Variants in RSRC1 observed in about 807,000 individuals in gnomAD.
RSRC1 encodes arginine and serine rich coiled-coil 1.
Under a neutral mutation model 49.1 loss-of-function variants are expected in RSRC1, and 39 were observed. That is an observed-to-expected ratio of 0.79 (90% confidence interval 0.61 to 1.04). The LOEUF (loss-of-function observed/expected upper bound fraction) is 1.04, where lower values mean the gene tolerates loss of function less well. Ranked by LOEUF, RSRC1 falls within the 50% of genes least tolerant of loss-of-function variation. The pLI is 0.00. For synonymous variants in RSRC1, 143 were observed against 130.8 expected, an observed-to-expected ratio of 1.09 and a Z score of -0.63; for missense variants, 388 against 402.4, an observed-to-expected ratio of 0.96 and a Z score of 0.31.
At chr3:158,267,365 AGCTTTTTGTCT>A (rs1383058257) in intron 4 of RSRC1, among the ~76,000 whole-genome samples, 3 of 151,960 alleles carry the variant, frequency 2.0e-5, no homozygotes, top group Non-Finnish European at 4.4e-5. Context: ...CTTTTCAGTG[AGCTTTTTGTCT>A]GTGTAAATAA....
chr3:158,326,171 G>C (rs1252719004), intron 5 of RSRC1, among the ~76,000 whole-genome samples: 1 of 152,126 alleles, frequency 6.6e-6, no homozygotes, highest in Non-Finnish European at 1.5e-5. Context: ...CATGTCATCT[G>C]CAAACAGGGA....
At chr3:158,286,785 A>G (rs1017352636) in intron 4 of RSRC1, among the ~76,000 whole-genome samples, 11 of 152,200 alleles carry the variant, frequency 7.2e-5, no homozygotes, top group African/African-American at 2.7e-4. Flanking sequence ...ATAATTGAAA[A>G]CTTGGATAAT....
At chr3:158,132,274 C>A (rs2108181614) in intron 3 of RSRC1, 1 of 200,974 alleles carries the variant, frequency 5.0e-6, no homozygotes, top group South Asian at 6.7e-5. Flanking sequence ...GTATGTGCCA[C>A]CCTACCCAGA....
intron 4 of RSRC1, among the ~76,000 whole-genome samples, chr3:158,287,506 T>G (rs1201631419): frequency 6.6e-6 from 1 of 152,148 alleles, no homozygotes; most frequent in Non-Finnish European, 1.5e-5. Flanking sequence ...TAATGATTAT[T>G]CTTTTCTTAT....
intron 5 of RSRC1, among the ~76,000 whole-genome samples, chr3:158,298,399 C>G (rs946931809): frequency 6.6e-6 from 1 of 151,966 alleles, no homozygotes; most frequent in Non-Finnish European, 1.5e-5. Context: ...TGAAAACAAG[C>G]TTGTGTTTTA....
intron 4 of RSRC1, among the ~76,000 whole-genome samples, chr3:158,255,549 C>T (rs1478482906): frequency 2.0e-5 from 3 of 152,106 alleles, no homozygotes; most frequent in East Asian, 1.9e-4. Flanking sequence ...GAGATGCGGG[C>T]TCTTTTTTGG....
chr3:158,308,693 C>T lies in RSRC1; in HGVS notation c.531+10618C>T, dbSNP rs543361890. The stretch of plus-strand genomic sequence containing the variant: ...CTGAAAACTGCTCAGTTACTGTATG[C>T]GCTTAATCTTAATGGTATCTGTGGA... On this transcript the variant is annotated intron_variant, in intron 5 of 9. Transcript: ENST00000611884. 7.2e-5 allele frequency among the ~76,000 whole-genome samples: 11 copies of T among 151,954 alleles called. No homozygotes were observed. The South Asian group carries it at 1.9e-3, about 26-fold the overall frequency.
At chr3:158,183,173 A>G (rs1719727691) in intron 3 of RSRC1, among the ~76,000 whole-genome samples, 1 of 152,108 alleles carries the variant, frequency 6.6e-6, no homozygotes, top group South Asian at 2.1e-4. Context: ...CTTACCTTCT[A>G]TTTAAATTAT....
chr3:158,533,716 C>G (rs565888585), intron 7 of RSRC1, among the ~76,000 whole-genome samples: 2 of 151,762 alleles, frequency 1.3e-5, no homozygotes, highest in East Asian at 3.9e-4. Flanking sequence ...GAATTAGTGA[C>G]TGTGAAATAA....
intron 3 of RSRC1, among the ~76,000 whole-genome samples, chr3:158,143,335 A>G (rs1716867324): frequency 6.6e-6 from 1 of 152,302 alleles, no homozygotes. Flanking sequence ...TAAAGAAAAG[A>G]TTGAAGGGAA....
chr3:158,338,707 A>G (rs1730056583), intron 5 of RSRC1, among the ~76,000 whole-genome samples: 1 of 152,228 alleles, frequency 6.6e-6, no homozygotes, highest in Non-Finnish European at 1.5e-5. Flanking sequence ...ATTAAAAATG[A>G]TTAGATTTAT....
chr3:158,514,374 A>G (rs1236854412), intron 7 of RSRC1, among the ~76,000 whole-genome samples: 2 of 152,126 alleles, frequency 1.3e-5, no homozygotes, highest in South Asian at 2.1e-4. Context: ...TTCGTTATGT[A>G]CCCAGCAGTC....
chr3:158,536,934 A>T (rs986935923), intron 7 of RSRC1, among the ~76,000 whole-genome samples, 158 bp from the exon 8 acceptor site: 4 of 151,554 alleles, frequency 2.6e-5, no homozygotes, highest in African/African-American at 9.7e-5. Flanking sequence ...TAGGAATGTT[A>T]TATTTGTGGA....
At chr3:158,123,745 T>C in intron 2 of RSRC1, 121 bp from the exon 3 acceptor site, 2 of 904,690 alleles carry the variant, frequency 2.2e-6, no homozygotes, top group Non-Finnish European at 3.3e-6. Context: ...TATCTCTGTT[T>C]GCTTCCAGGA....
At chr3:158,339,115 AC>A (rs1334862726) in intron 5 of RSRC1, among the ~76,000 whole-genome samples, 1 of 151,404 alleles carries the variant, frequency 6.6e-6, no homozygotes, top group African/African-American at 2.4e-5. Flanking sequence ...ACAAGGTGAA[AC>A]CCCGTCTCTA....
chr3:158,372,000 T>C (rs1425104845), intron 6 of RSRC1, among the ~76,000 whole-genome samples: 2 of 146,702 alleles, frequency 1.4e-5, no homozygotes, highest in Non-Finnish European at 3.1e-5. Context: ...ATAATAGGTC[T>C]TCTTTGCCCA....
intron 6 of RSRC1, among the ~76,000 whole-genome samples, chr3:158,383,413 C>T (rs1380899741): frequency 6.6e-6 from 1 of 152,076 alleles, no homozygotes; most frequent in Non-Finnish European, 1.5e-5. Flanking sequence ...TGGAATCAAT[C>T]CTCTGTGGAT....
intron 6 of RSRC1, among the ~76,000 whole-genome samples, chr3:158,434,044 T>C (rs1348102730): frequency 6.6e-6 from 1 of 151,968 alleles, no homozygotes; most frequent in Non-Finnish European, 1.5e-5. Flanking sequence ...CAAATCCAGC[T>C]CTTAGTTGAC....
chr3:158,407,188 T>C (rs1164239493), intron 6 of RSRC1, among the ~76,000 whole-genome samples: 2 of 152,164 alleles, frequency 1.3e-5, no homozygotes, highest in Non-Finnish European at 2.9e-5. Context: ...AATCAAATAG[T>C]CCTGTTGTCA....
Sources: allele counts gnomAD v4.1 joint callset (sites outside exome capture counted in the v4.1 genomes callset), GRCh38; gene constraint gnomAD v4.1.1; transcripts MANE v1.5; gene names NCBI Gene and HGNC (gene_info 2026-07-23, HGNC 2026-07-21).